Variants in PALM2AKAP2 observed in about 807,000 individuals in gnomAD.
PALM2AKAP2 encodes PALM2-AKAP2 fusion protein.
A neutral mutation model predicts 71.5 loss-of-function variants in PALM2AKAP2; 37 were observed. That is an observed-to-expected ratio of 0.52 (90% confidence interval 0.40 to 0.68). PALM2AKAP2 has a LOEUF of 0.68. Ranked by LOEUF, PALM2AKAP2 falls within the 30% of genes least tolerant of loss-of-function variation. PALM2AKAP2 has a pLI of 0.00. For missense variants in PALM2AKAP2, 1,224 were observed against 1,191.8 expected (o/e 1.03, Z -0.40); for synonymous variants, 468 against 478.8 (o/e 0.98, Z 0.29).
At chr9:110,135,965 AG>A (rs1835854348) in intron 1 of PALM2AKAP2, among the ~76,000 whole-genome samples, 161 bp from the exon 8 acceptor site, 1 of 152,226 alleles carries the variant, frequency 6.6e-6, no homozygotes, top group African/African-American at 2.4e-5. Context: ...TGTTACTACA[AG>A]AAAATGAACA....
chr9:109,942,829 G>A (rs751204702), intron 6 of PALM2AKAP2: 4 of 1,614,178 alleles, frequency 2.5e-6, no homozygotes, highest in Admixed American at 1.7e-5. Context: ...AGTGTATGAG[G>A]TGCGCTCAGG....
rs549039981 is a variant in PALM2AKAP2 at position 110,147,761 on chromosome 9, C to A, written c.2570-8558C>A. Among the ~76,000 whole-genome samples the A allele has an allele frequency of 3.0e-3, 457 of 152,250 alleles. 4 individuals are homozygous for A. The highest frequency in any genetic ancestry group is 0.011 in the African/African-American group (442 of 41,540). On this transcript the variant is annotated intron_variant, in intron 2 of 3. Transcript: ENST00000374525. Reference sequence around the variant, plus strand: ...CTCCAGTCTGAGTGACAAAGCAAGACCCTGTCTCTAAAAAGAAAGAAAAGG... The same window carrying A: ...CTCCAGTCTGAGTGACAAAGCAAGAACCTGTCTCTAAAAAGAAAGAAAAGG...
At chr9:109,759,180 T>C (rs1829011972) in intron 1 of PALM2AKAP2, among the ~76,000 whole-genome samples, 1 of 152,136 alleles carries the variant, frequency 6.6e-6, no homozygotes, top group South Asian at 2.1e-4. Flanking sequence ...CCTTCTCTTC[T>C]TTTGGGGTGT....
intron 2 of PALM2AKAP2, among the ~76,000 whole-genome samples, chr9:110,147,115 G>C (rs910551615): frequency 6.6e-6 from 1 of 152,072 alleles, no homozygotes; most frequent in Non-Finnish European, 1.5e-5. Context: ...GCCAGGCGTG[G>C]TGTCACATGC....
At chr9:109,890,362 G>A (rs372949970) in intron 3 of PALM2AKAP2, among the ~76,000 whole-genome samples, 23 of 152,280 alleles carry the variant, frequency 1.5e-4, no homozygotes, top group African/African-American at 3.8e-4. Context: ...ATCAAGGCCC[G>A]CTTCCTCCAG....
intron 1 of PALM2AKAP2, among the ~76,000 whole-genome samples, chr9:109,737,087 C>A (rs1036058891): frequency 3.9e-5 from 6 of 152,192 alleles, no homozygotes; most frequent in Non-Finnish European, 8.8e-5. Context: ...CTAGGAAAGT[C>A]TTTGCCAGGA....
chr9:109,825,961 A>C (rs545374986), intron 1 of PALM2AKAP2, among the ~76,000 whole-genome samples: 1 of 152,332 alleles, frequency 6.6e-6, no homozygotes, highest in East Asian at 1.9e-4. Context: ...CTTGGAACCA[A>C]CCCAAATGTC....
intron 2 of PALM2AKAP2, among the ~76,000 whole-genome samples, chr9:109,874,027 C>T (rs1485182689): frequency 6.6e-6 from 1 of 152,152 alleles, no homozygotes; most frequent in East Asian, 1.9e-4. Context: ...ATTGCAGTTA[C>T]CTTAGCTGTA....
At chr9:109,646,610 C>T (rs899885346) in intron 1 of PALM2AKAP2, among the ~76,000 whole-genome samples, 2 of 149,338 alleles carry the variant, frequency 1.3e-5, no homozygotes, top group Non-Finnish European at 3.0e-5. Context: ...CATTAAGTTA[C>T]AGATAACTTA....
intron 1 of PALM2AKAP2, among the ~76,000 whole-genome samples, chr9:109,728,125 T>A (rs889182436): frequency 6.6e-6 from 1 of 152,256 alleles, no homozygotes; most frequent in African/African-American, 2.4e-5. Context: ...GGTGAGAATG[T>A]GTTCAAGTCT....
intron 1 of PALM2AKAP2, among the ~76,000 whole-genome samples, chr9:109,724,762 C>T (rs1828452522): frequency 6.6e-6 from 1 of 152,142 alleles, no homozygotes; most frequent in Non-Finnish European, 1.5e-5. Context: ...GGTTTCAGAG[C>T]TGGTGAGTGA....
At chr9:110,098,003 A>G (rs1236870773) in intron 1 of PALM2AKAP2, among the ~76,000 whole-genome samples, 1 of 144,990 alleles carries the variant, frequency 6.9e-6, no homozygotes, top group Non-Finnish European at 1.5e-5. Context: ...CACCCAAAAA[A>G]TACGAAAACC....
intron 1 of PALM2AKAP2, among the ~76,000 whole-genome samples, chr9:109,683,402 T>A (rs1369846974): frequency 6.6e-6 from 1 of 152,058 alleles, no homozygotes; most frequent in South Asian, 2.1e-4. Flanking sequence ...CATGTGGAAA[T>A]GGAGGCAGAG....
At chr9:110,073,491 CTTG>C (rs1378623327) in intron 1 of PALM2AKAP2, among the ~76,000 whole-genome samples, 2 of 152,146 alleles carry the variant, frequency 1.3e-5, no homozygotes, top group African/African-American at 4.8e-5. Flanking sequence ...GTTAGCCTAG[CTTG>C]TTGTTTTATC....
intron 1 of PALM2AKAP2, among the ~76,000 whole-genome samples, chr9:109,686,479 G>A (rs1827806984): frequency 6.6e-6 from 1 of 152,182 alleles, no homozygotes; most frequent in Admixed American, 6.5e-5. Context: ...GGGTGACCAG[G>A]TGCATTGTCA....
chr9:109,767,610 C>G (rs1272416229), intron 1 of PALM2AKAP2, among the ~76,000 whole-genome samples: 1 of 152,194 alleles, frequency 6.6e-6, no homozygotes, highest in East Asian at 1.9e-4. Context: ...GTGGGGCCAC[C>G]CTCTGGCCTC....
intron 1 of PALM2AKAP2, among the ~76,000 whole-genome samples, chr9:110,068,839 T>G (rs1203005249): frequency 9.2e-5 from 14 of 152,204 alleles, no homozygotes; most frequent in Admixed American, 9.2e-4. Context: ...AGCCTGGAAC[T>G]TTCTTAAAAG....
intron 6 of PALM2AKAP2, among the ~76,000 whole-genome samples, 157 bp downstream of exon 6, chr9:109,932,185 G>C (rs1831119501): frequency 1.3e-5 from 2 of 152,226 alleles, no homozygotes; most frequent in South Asian, 4.1e-4. Flanking sequence ...CACAAGGCAG[G>C]CACCGGCCCC....
At chr9:109,909,398 G>C (rs960625427) in intron 3 of PALM2AKAP2, among the ~76,000 whole-genome samples, 1 of 152,194 alleles carries the variant, frequency 6.6e-6, no homozygotes, top group African/African-American at 2.4e-5. Context: ...AGGTCTGCTT[G>C]AGGCTACTTC....
Sources: gnomAD v4.1 joint callset for allele counts (sites outside exome capture counted in the v4.1 genomes callset) on GRCh38, gnomAD v4.1.1 for gene constraint, MANE v1.5 for transcripts, NCBI Gene and HGNC (gene_info 2026-07-23, HGNC 2026-07-21) for gene names.